LILRB3: variants seen among roughly 807,000 people sequenced by gnomAD.
LILRB3 encodes the protein leukocyte immunoglobulin-like receptor subfamily B member 3.
LILRB3 carries 32 observed loss-of-function variants against 68.2 expected under a neutral mutation model. That is an observed-to-expected ratio of 0.47 (90% CI 0.35 to 0.63). The LOEUF (loss-of-function observed/expected upper bound fraction) is 0.63, where lower values mean the gene tolerates loss of function less well. LILRB3 is among the 30% of genes least tolerant of loss of function. The pLI is 0.00. For synonymous variants in LILRB3, 185 were observed against 323.1 expected, an observed-to-expected ratio of 0.57 and a Z score of 4.58; for missense variants, 502 against 791.3, an observed-to-expected ratio of 0.63 and a Z score of 4.39.
exon 3 of LILRB3, chr19:54,222,547 G>A: frequency 6.2e-7 from 1 of 1,610,724 alleles, no homozygotes; most frequent in East Asian, 2.2e-5. Context: ...CCAGAGGGTG[G>A]GTTTGGGGAA....
chr19:54,217,114 G>A (rs771330822), exon 13 of LILRB3: 14 of 1,614,054 alleles, frequency 8.7e-6, no homozygotes, highest in Admixed American at 1.7e-5. Flanking sequence ...CCAGAGTGGC[G>A]TAGATGCTGG....
exon 12 of LILRB3, chr19:54,217,338 T>G: frequency 6.3e-7 from 1 of 1,585,146 alleles, no homozygotes; most frequent in Non-Finnish European, 8.6e-7. Flanking sequence ...CATCTGCCTG[T>G]CCTCTTCCAC....
At chr19:54,218,542 T>C in intron 10 of LILRB3, 103 bp downstream of exon 10, 1 of 1,603,818 alleles carries the variant, frequency 6.2e-7, no homozygotes, top group Non-Finnish European at 8.5e-7. Context: ...CAAGACCATC[T>C]TCCACGGAGC....
exon 5 of LILRB3, chr19:54,221,159 C>G: frequency 7.8e-7 from 1 of 1,279,756 alleles, no homozygotes; most frequent in South Asian, 1.2e-5. Flanking sequence ...AGCACCTGTA[C>G]TGGCCCCCGT....
chr19:54,221,849 G>A (rs767627433), exon 4 of LILRB3: 1 of 1,560,198 alleles, frequency 6.4e-7, no homozygotes, highest in Non-Finnish European at 8.8e-7. Context: ...ATCTCCAGGG[G>A]GTCACTGGGG....
exon 13 of LILRB3, chr19:54,217,045 A>C: frequency 6.2e-7 from 1 of 1,613,988 alleles, no homozygotes; most frequent in Non-Finnish European, 8.5e-7. Flanking sequence ...TGCCTTCAGC[A>C]GTCCTGAGTC....
At position 54,218,389 on chromosome 19, in the gene LILRB3, G is replaced by A. The variant is rs1338602511; in HGVS notation, c.1565C>T (p.Ser522Phe). ...ACTGTCCAGCTCCACCCTGTCCTCA[G>A]ACTGTGTGTCCTTCACAGCAGCATC... Residue 522 changes from serine (S) to phenylalanine (F), a missense_variant, in exon 11 of 13, where the codon TCT becomes TTT. Physicochemically the swap from Ser to Phe is radical, Grantham distance 155 (BLOSUM62 -2). Transcript: ENST00000445347. 3.7e-6 allele frequency: 6 copies of A among 1,614,096 alleles called. No homozygotes were observed. The African/African-American group carries it at 5.3e-5, about 14-fold the overall frequency.
At chr19:54,219,609 G>T in intron 7 of LILRB3, 1 of 1,537,588 alleles carries the variant, frequency 6.5e-7, no homozygotes, top group Non-Finnish European at 8.8e-7. Context: ...CTGCAGGTGG[G>T]ACGGGACAGG....
At chr19:54,217,135 A>T in exon 13 of LILRB3, 1 of 1,613,728 alleles carries the variant, frequency 6.2e-7, no homozygotes, top group Non-Finnish European at 8.5e-7. Flanking sequence ...GCTCAGCTGG[A>T]GGTTCCCCTT....
Position 54,219,976 on chromosome 19 carries a change from GCTC to G in LILRB3, c.1309+176_1309+178del, listed in dbSNP as rs1157756037. 1.9e-5 allele frequency: 24 copies of G among 1,283,136 alleles called. 8 individuals carry two copies. The highest frequency in any genetic ancestry group is 2.5e-5 in the Non-Finnish European group (23 of 933,658). The allele number at this position is 1,283,136 out of a possible 1,614,324, so 79.5% of individuals were successfully genotyped here. A position where few individuals can be genotyped will look rare whatever the true frequency, so the allele number is the denominator to read the frequency against. On this transcript the variant is annotated intron_variant, in intron 7 of 12. Coordinates refer to ENST00000445347, the Ensembl canonical transcript of LILRB3. Reference sequence around the variant, plus strand: ...CTGTCTTGCCCCCCACATCAGCCCGGCTCCTCCTCCTGGCTGGGCCCCAACATC... The same window carrying G: ...CTGTCTTGCCCCCCACATCAGCCCGGCTCCTCCTGGCTGGGCCCCAACATC...
intron 8 of LILRB3, 79 bp from the exon 9 acceptor site, chr19:54,218,917 G>A (rs958925285): frequency 6.3e-7 from 1 of 1,596,466 alleles, no homozygotes; most frequent in Admixed American, 1.8e-5. Context: ...GGGAAAGAAG[G>A]AAAACTAAAA....
Position 54,217,403 on chromosome 19 carries a change from C to T in LILRB3, c.1665G>A (p.Met555Ile), listed in dbSNP as rs114189491. The T allele has an allele frequency of 5.5e-3, 8,784 of 1,604,948 alleles. 769 individuals are homozygous for T. In the African/African-American group the frequency reaches 0.11, roughly 20 times the overall value. ...CAGACAGTGAGGAGGGAGGAGAGGC[C>T]ATTTCTCTCCTAGGACTGGAGTGTT... is the stretch of plus-strand genomic sequence containing the variant. The change falls in exon 12 of 13, where the codon ATG (methionine) becomes ATA (isoleucine). Residue 555 changes from methionine (M) to isoleucine (I), a missense_variant. Met to Ile is a conservative substitution (Grantham distance 10, BLOSUM62 1). This residue lies in a region of LILRB3 where 267 missense variants were observed against 245.5 expected (regional missense o/e 1.09). Coordinates refer to ENST00000445347, the Ensembl canonical transcript of LILRB3.
Position 54,222,166 on chromosome 19 carries a change from C to T in LILRB3, c.356-36G>A, listed in dbSNP as rs1307052820. The T allele has an allele frequency of 1.3e-5, 21 of 1,610,274 alleles. No homozygotes were observed. The Middle Eastern group carries it at 8.5e-4, about 65-fold the overall frequency. ...AAGAGGCACCGTGTTAAATGGGGCT[C>T]CCACCTCCCACATCATCCCCAGGGC... On this transcript the variant is annotated intron_variant, in intron 3 of 12. Transcript: ENST00000445347.
intron 11 of LILRB3, 53 bp from the exon 12 acceptor site, chr19:54,217,527 G>C: frequency 3.2e-6 from 5 of 1,562,882 alleles, no homozygotes; most frequent in Non-Finnish European, 4.3e-6. Context: ...CTGACCTCCT[G>C]GAGTCAATTT....
chr19:54,217,034 G>T, exon 13 of LILRB3: 2 of 1,613,392 alleles, frequency 1.2e-6, no homozygotes, highest in Non-Finnish European at 1.7e-6. Context: ...GGCAGCTCCC[G>T]TGCCTTCAGC....
At chr19:54,217,736 G>A (rs2077632037) in intron 11 of LILRB3, 2 of 657,404 alleles carry the variant, frequency 3.0e-6, no homozygotes, top group Non-Finnish European at 5.3e-6. Flanking sequence ...TTGCACGGCT[G>A]TTTCCTCTGC....
At chr19:54,222,766 G>A in exon 2 of LILRB3, 1 of 1,612,642 alleles carries the variant, frequency 6.2e-7, no homozygotes, top group Non-Finnish European at 8.5e-7. Context: ...TGCGGGTCCT[G>A]GGGCCCAGAC....
Position 54,218,214 on chromosome 19 carries a change from G to A in LILRB3, c.1593+147C>T, listed in dbSNP as rs2077683216. ...TCCCAGGACAGCAGAAGAGAGTGAGGTCACAGCAGGCGGGAGGCAGCATGC... is the reference window on the plus strand; with the variant it reads ...TCCCAGGACAGCAGAAGAGAGTGAGATCACAGCAGGCGGGAGGCAGCATGC... On this transcript the variant is annotated intron_variant, in intron 11 of 12. Transcript: ENST00000445347. 25 of 1,125,002 alleles carry A rather than the reference G, an allele frequency of 2.2e-5. 2 individuals carry two copies. The South Asian group carries it at 3.0e-4, about 13-fold the overall frequency. The allele number at this position is 1,125,002 out of a possible 1,614,324, so 69.7% of individuals were successfully genotyped here. A position where few individuals can be genotyped will look rare whatever the true frequency, so the allele number is the denominator to read the frequency against.
chr19:54,217,287 A>C (rs543920975), intron 12 of LILRB3, 32 bp downstream of exon 12: 19 of 1,291,774 alleles, frequency 1.5e-5, no homozygotes, highest in Non-Finnish European at 2.0e-5. Flanking sequence ...GGGGTGGGGG[A>C]GGCCTGGGGG....
Sources: gnomAD v4.1 joint callset for allele counts on GRCh38, gnomAD v4.1.1 for gene constraint, gnomAD v4.1.1 regional missense constraint, MANE v1.5 for transcripts, NCBI Gene and HGNC (gene_info 2026-07-23, HGNC 2026-07-21) for gene names.